PHACTR1: variants seen among roughly 807,000 people sequenced by gnomAD.
PHACTR1 encodes the protein RPEL repeat containing 1.
PHACTR1 carries 16 observed loss-of-function variants against 69.2 expected under a neutral mutation model. That is an observed-to-expected ratio of 0.23 (90% CI 0.16 to 0.35). The LOEUF (loss-of-function observed/expected upper bound fraction) is 0.35. Ranked by LOEUF, PHACTR1 falls within the 10% of genes least tolerant of loss-of-function variation. The pLI, the probability that PHACTR1 is intolerant of heterozygous loss-of-function variation, is 1.00. For missense variants in PHACTR1, 510 were observed against 734.7 expected (o/e 0.69, Z 3.54); for synonymous variants, 312 against 284.5 (o/e 1.10, Z -0.97).
chr6:12,770,488 G>A (rs1769242098), intron 4 of PHACTR1, among the ~76,000 whole-genome samples: 2 of 152,160 alleles, frequency 1.3e-5, no homozygotes, highest in Admixed American at 6.5e-5. Context: ...GGATGAGTAG[G>A]ATATTTCCCA....
chr6:12,896,724 C>A (rs976501167), intron 4 of PHACTR1, among the ~76,000 whole-genome samples: 4 of 152,196 alleles, frequency 2.6e-5, no homozygotes, highest in Non-Finnish European at 5.9e-5. Flanking sequence ...AAAGTGTCTC[C>A]TTTAGAAAAC....
chr6:13,190,946 C>T (rs1320086053), intron 7 of PHACTR1, among the ~76,000 whole-genome samples: 2 of 152,164 alleles, frequency 1.3e-5, no homozygotes, highest in African/African-American at 2.4e-5. Context: ...CAAGAATCCT[C>T]TCTCCATGCT....
At chr6:13,244,338 T>C (rs1475242333) in intron 10 of PHACTR1, among the ~76,000 whole-genome samples, 1 of 152,154 alleles carries the variant, frequency 6.6e-6, no homozygotes, top group Non-Finnish European at 1.5e-5. Context: ...GAAATTAAAA[T>C]TGCTAATGAA....
At chr6:13,113,146 A>T (rs543082946) in intron 5 of PHACTR1, among the ~76,000 whole-genome samples, 2 of 152,266 alleles carry the variant, frequency 1.3e-5, no homozygotes, top group South Asian at 4.1e-4. Flanking sequence ...GGGTGCAGTG[A>T]GCTATGATCA....
intron 4 of PHACTR1, among the ~76,000 whole-genome samples, chr6:12,840,511 C>CAGACAGGAG (rs1778585861): frequency 6.6e-6 from 1 of 152,156 alleles, no homozygotes; most frequent in Non-Finnish European, 1.5e-5. Flanking sequence ...AAAAAGAGTC[C>CAGACAGGAG]AGACAGGAGA....
chr6:13,073,672 C>A (rs1809920047), intron 5 of PHACTR1, among the ~76,000 whole-genome samples: 1 of 151,858 alleles, frequency 6.6e-6, no homozygotes. Flanking sequence ...ACAAAGAGAT[C>A]TGGGACCACA....
At chr6:13,229,793 A>G (rs1770513413) in intron 9 of PHACTR1, among the ~76,000 whole-genome samples, 1 of 152,208 alleles carries the variant, frequency 6.6e-6, no homozygotes, top group African/African-American at 2.4e-5. Flanking sequence ...CCTGCGTGCT[A>G]GACATTCCTG....
chr6:13,192,850 TGAA>T (rs1315073900), intron 7 of PHACTR1, among the ~76,000 whole-genome samples: 1 of 152,224 alleles, frequency 6.6e-6, no homozygotes, highest in Non-Finnish European at 1.5e-5. Context: ...GCCCTGTTGC[TGAA>T]GGAGGAGTTT....
At chr6:12,773,854 T>C (rs2127631432) in intron 4 of PHACTR1, among the ~76,000 whole-genome samples, 1 of 152,352 alleles carries the variant, frequency 6.6e-6, no homozygotes, top group African/African-American at 2.4e-5. Flanking sequence ...TCTTTTCTTT[T>C]TTTCATTTCT....
chr6:12,845,003 T>A (rs1472087183), intron 4 of PHACTR1, among the ~76,000 whole-genome samples: 3 of 152,222 alleles, frequency 2.0e-5, no homozygotes, highest in Non-Finnish European at 4.4e-5. Flanking sequence ...ACCTATTATG[T>A]TTCCCTTCTC....
intron 4 of PHACTR1, among the ~76,000 whole-genome samples, chr6:12,790,325 C>G (rs544927257): frequency 6.6e-6 from 1 of 152,112 alleles, no homozygotes; most frequent in Non-Finnish European, 1.5e-5. Flanking sequence ...GACCTGTTTC[C>G]TTTTCTCCAG....
intron 4 of PHACTR1, among the ~76,000 whole-genome samples, chr6:12,971,313 T>C (rs1211281753): frequency 1.3e-5 from 2 of 152,252 alleles, no homozygotes; most frequent in African/African-American, 4.8e-5. Context: ...TTGCACATCA[T>C]ACTTAGCTGT....
intron 6 of PHACTR1, among the ~76,000 whole-genome samples, chr6:13,165,781 C>G (rs926954852): frequency 6.6e-6 from 1 of 152,196 alleles, no homozygotes; most frequent in African/African-American, 2.4e-5. Flanking sequence ...GGTCCTACTA[C>G]AACTTTAAGG....
chr6:13,000,700 CAA>C (rs1158550542), intron 4 of PHACTR1, among the ~76,000 whole-genome samples: 256 of 148,812 alleles, frequency 1.7e-3, no homozygotes, highest in African/African-American at 6.1e-3. Flanking sequence ...GAGAGAAAAA[CAA>C]AGGTGGTGGA....
At chr6:12,865,329 T>G (rs1276650928) in intron 4 of PHACTR1, among the ~76,000 whole-genome samples, 4 of 152,186 alleles carry the variant, frequency 2.6e-5, no homozygotes, top group Non-Finnish European at 5.9e-5. Context: ...GATGGTATCA[T>G]GGGAGCAGAA....
chr6:13,076,576 C>G (rs1480265561), intron 5 of PHACTR1, among the ~76,000 whole-genome samples: 3 of 152,020 alleles, frequency 2.0e-5, no homozygotes, highest in Non-Finnish European at 4.4e-5. Context: ...AGTGCTAAAC[C>G]CAGAATTAGG....
chr6:13,006,392 A>T (rs983049114), intron 4 of PHACTR1, among the ~76,000 whole-genome samples: 2 of 152,204 alleles, frequency 1.3e-5, no homozygotes, highest in African/African-American at 4.8e-5. Context: ...TAGAGACAGT[A>T]AGGTGAGCTT....
chr6:13,235,560 G>A (rs73355362), intron 10 of PHACTR1, among the ~76,000 whole-genome samples: 20,581 of 152,132 alleles, frequency 0.14, 2,008 homozygotes, highest in African/African-American at 0.25. Flanking sequence ...ACACTGACAG[G>A]TTGGTGAAGT....
chr6:13,164,987 C>A (rs1186248682), intron 6 of PHACTR1, among the ~76,000 whole-genome samples: 1 of 151,700 alleles, frequency 6.6e-6, no homozygotes, highest in Non-Finnish European at 1.5e-5. Flanking sequence ...TATTGAATCA[C>A]ATAATTTTAC....
Sources: allele counts gnomAD v4.1 joint callset (sites outside exome capture counted in the v4.1 genomes callset), GRCh38; gene constraint gnomAD v4.1.1; transcripts MANE v1.5; gene names NCBI Gene and HGNC (gene_info 2026-07-23, HGNC 2026-07-21).